CSMD1: variants seen among roughly 807,000 people sequenced by gnomAD.
CSMD1 encodes the protein CUB and sushi domain-containing protein 1.
Under a neutral mutation model 417.5 loss-of-function variants are expected in CSMD1, and 213 were observed. That is an observed-to-expected ratio of 0.51 (90% CI 0.46 to 0.57). CSMD1 has a LOEUF of 0.57. CSMD1 is among the 20% of genes least tolerant of loss of function. The pLI, the probability that CSMD1 is intolerant of heterozygous loss-of-function variation, is 0.00. For synonymous variants in CSMD1, 2,862 were observed against 1,736.8 expected (o/e 1.65, Z -16.11); for missense variants, 6,923 against 4,529.7 (o/e 1.53, Z -15.17).
intron 2 of CSMD1, among the ~76,000 whole-genome samples, chr8:4,519,186 A>G (rs979262882): frequency 6.6e-6 from 1 of 152,158 alleles, no homozygotes; most frequent in Non-Finnish European, 1.5e-5. Context: ...AGGATTCCCT[A>G]ATAAATTACT....
chr8:3,235,439 T>C (rs747943197), intron 26 of CSMD1, among the ~76,000 whole-genome samples: 4 of 152,214 alleles, frequency 2.6e-5, no homozygotes, highest in Non-Finnish European at 4.4e-5. Context: ...AAGTGCTCTG[T>C]TGAACACTTT....
At chr8:4,008,460 A>C (rs1787137780) in intron 4 of CSMD1, among the ~76,000 whole-genome samples, 2 of 151,844 alleles carry the variant, frequency 1.3e-5, no homozygotes, top group Admixed American at 6.6e-5. Context: ...AATTAAATAA[A>C]TGCTATTTAA....
At chr8:4,258,106 G>GCTATTTTTTT (rs991979702) in intron 3 of CSMD1, among the ~76,000 whole-genome samples, 1 of 150,880 alleles carries the variant, frequency 6.6e-6, no homozygotes, top group African/African-American at 2.4e-5. Flanking sequence ...ACCATTCCCG[G>GCTATTTTTTT]CTATTTTTTT....
chr8:4,303,695 G>C (rs112305475), intron 3 of CSMD1, among the ~76,000 whole-genome samples: 1 of 151,538 alleles, frequency 6.6e-6, no homozygotes, highest in African/African-American at 2.4e-5. Flanking sequence ...TTGCTCTCTT[G>C]CCCAGACTGG....
At chr8:4,011,327 A>G (rs1020368777) in intron 4 of CSMD1, among the ~76,000 whole-genome samples, 6 of 152,134 alleles carry the variant, frequency 3.9e-5, no homozygotes, top group Non-Finnish European at 7.3e-5. Context: ...CCGTGCTCCA[A>G]TTGCCCCCAT....
chr8:4,051,261 A>G (rs1402275621), intron 3 of CSMD1, among the ~76,000 whole-genome samples: 2 of 151,906 alleles, frequency 1.3e-5, no homozygotes, highest in African/African-American at 2.4e-5. Flanking sequence ...GATTTCTTCA[A>G]CAGTTTTACA....
intron 1 of CSMD1, among the ~76,000 whole-genome samples, chr8:4,874,291 A>G (rs954627475): frequency 2.0e-5 from 3 of 151,924 alleles, no homozygotes; most frequent in African/African-American, 7.3e-5. Context: ...TAAAATCTAA[A>G]TTTCTATTTA....
At chr8:4,867,935 C>A (rs909409146) in intron 1 of CSMD1, among the ~76,000 whole-genome samples, 10 of 141,384 alleles carry the variant, frequency 7.1e-5, no homozygotes, top group Non-Finnish European at 1.2e-4. Context: ...CTACTGTCTA[C>A]GTGTGTGTGT....
At chr8:3,993,209 T>C (rs968453809) in intron 5 of CSMD1, among the ~76,000 whole-genome samples, 2 of 152,194 alleles carry the variant, frequency 1.3e-5, no homozygotes, top group Non-Finnish European at 2.9e-5. Context: ...ACTCTCTGTG[T>C]TAGTGCTGCA....
At chr8:3,433,347 A>G (rs796391484) in intron 12 of CSMD1, among the ~76,000 whole-genome samples, 11 of 152,330 alleles carry the variant, frequency 7.2e-5, no homozygotes, top group African/African-American at 2.6e-4. Flanking sequence ...GTTTTTCTGC[A>G]AATATTTTCA....
intron 20 of CSMD1, 48 bp downstream of exon 20, chr8:3,366,984 G>T: frequency 1.5e-6 from 2 of 1,368,804 alleles, no homozygotes; most frequent in South Asian, 1.2e-5. Context: ...TAACAGAAAT[G>T]GCAGTATTGT....
chr8:3,288,364 A>C, intron 25 of CSMD1, among the ~76,000 whole-genome samples: 1 of 147,236 alleles, frequency 6.8e-6, no homozygotes. Context: ...GAATAGTTTC[A>C]GAAGGAATGG....
chr8:3,062,974 A>G (rs942792955), intron 49 of CSMD1, among the ~76,000 whole-genome samples: 2 of 152,208 alleles, frequency 1.3e-5, no homozygotes, highest in African/African-American at 2.4e-5. Context: ...GAAAATTCCT[A>G]GAGAAAAAAA....
chr8:3,459,211 C>T (rs532270336), intron 12 of CSMD1, among the ~76,000 whole-genome samples: 4 of 152,134 alleles, frequency 2.6e-5, no homozygotes, highest in Admixed American at 2.0e-4. Flanking sequence ...GTGGCTGCAC[C>T]GTGGTGGGGC....
intron 1 of CSMD1, among the ~76,000 whole-genome samples, chr8:4,834,475 G>A (rs967248860): frequency 2.6e-5 from 4 of 152,264 alleles, no homozygotes; most frequent in African/African-American, 9.6e-5. Flanking sequence ...GCAACTTTTA[G>A]GCAGGCAGTG....
At chr8:4,022,152 G>C (rs927386464) in intron 4 of CSMD1, among the ~76,000 whole-genome samples, 3 of 139,680 alleles carry the variant, frequency 2.1e-5, no homozygotes, top group African/African-American at 8.1e-5. Context: ...GTATATATTT[G>C]TATATATATT....
chr8:3,302,291 G>A (rs1804473615), intron 25 of CSMD1, among the ~76,000 whole-genome samples: 1 of 152,030 alleles, frequency 6.6e-6, no homozygotes, highest in African/African-American at 2.4e-5. Flanking sequence ...TTTCTTTAAT[G>A]TTTTTTTCTG....
chr8:4,189,934 C>G (rs1798915661), intron 3 of CSMD1, among the ~76,000 whole-genome samples: 1 of 148,834 alleles, frequency 6.7e-6, no homozygotes, highest in South Asian at 2.1e-4. Flanking sequence ...TTTTTTTTTT[C>G]TAAAAAGCAG....
intron 1 of CSMD1, among the ~76,000 whole-genome samples, chr8:4,843,606 A>G (rs1361025725): frequency 6.6e-6 from 1 of 152,210 alleles, no homozygotes; most frequent in Non-Finnish European, 1.5e-5. Flanking sequence ...TGTCCAAGCC[A>G]GGAGTTCTGT....
Sources: gnomAD v4.1 joint callset for allele counts (sites outside exome capture counted in the v4.1 genomes callset) on GRCh38, gnomAD v4.1.1 for gene constraint, MANE v1.5 for transcripts, NCBI Gene and HGNC (gene_info 2026-07-23, HGNC 2026-07-21) for gene names.